PHF14: variants seen among roughly 807,000 people sequenced by gnomAD.
PHF14 encodes PHD finger protein 14.
Under a neutral mutation model 117.9 loss-of-function variants are expected in PHF14, and 55 were observed. The observed-to-expected ratio is 0.47, with a 90% confidence interval of 0.38 to 0.58. The LOEUF is 0.58. Ranked by LOEUF, PHF14 falls within the 20% of genes least tolerant of loss-of-function variation. The pLI, the probability that PHF14 is intolerant of heterozygous loss-of-function variation, is 0.00. For missense variants in PHF14, 978 were observed against 1,122.2 expected (o/e 0.87, Z 1.84); for synonymous variants, 409 against 368.6 (o/e 1.11, Z -1.26).
At chr7:11,044,289 G>C (rs1184323227) in intron 13 of PHF14, among the ~76,000 whole-genome samples, 2 of 151,764 alleles carry the variant, frequency 1.3e-5, no homozygotes, top group African/African-American at 2.4e-5. Flanking sequence ...TAACAAACCT[G>C]TGCATATACC....
chr7:11,160,505 T>A (rs1788992068), intron 17 of PHF14, among the ~76,000 whole-genome samples: 1 of 152,208 alleles, frequency 6.6e-6, no homozygotes, highest in South Asian at 2.1e-4. Flanking sequence ...AAAATTTACA[T>A]TCCCACCAAT....
intron 16 of PHF14, among the ~76,000 whole-genome samples, chr7:11,079,181 G>A (rs947192024): frequency 6.6e-6 from 1 of 152,136 alleles, no homozygotes; most frequent in Non-Finnish European, 1.5e-5. Flanking sequence ...CCTTTCAAAA[G>A]GAGCTTCTTC....
intron 5 of PHF14, among the ~76,000 whole-genome samples, chr7:11,014,464 C>A (rs1318812721): frequency 6.6e-6 from 1 of 152,070 alleles, no homozygotes; most frequent in Admixed American, 6.6e-5. Context: ...GGGGTTCAGG[C>A]TTTGTTGGAG....
chr7:11,078,349 G>A (rs1179112664), intron 16 of PHF14, among the ~76,000 whole-genome samples: 3 of 151,852 alleles, frequency 2.0e-5, no homozygotes, highest in Non-Finnish European at 2.9e-5. Flanking sequence ...TTGAAAATTC[G>A]GTCAATAACT....
chr7:11,125,584 G>C (rs1288458291), intron 17 of PHF14, among the ~76,000 whole-genome samples: 2 of 152,050 alleles, frequency 1.3e-5, no homozygotes, highest in Admixed American at 6.6e-5. Flanking sequence ...AAAAGGTTTA[G>C]AAATGGTTCC....
intron 2 of PHF14, 77 bp from the exon 3 acceptor site, chr7:10,982,295 A>G (rs1474027812): frequency 2.0e-6 from 2 of 1,001,368 alleles, no homozygotes; most frequent in Admixed American, 3.4e-5. Context: ...TGGTGGTTTC[A>G]TTTGTGTCAG....
intron 13 of PHF14, among the ~76,000 whole-genome samples, chr7:11,044,525 A>G (rs1337626149): frequency 6.6e-6 from 1 of 152,162 alleles, no homozygotes; most frequent in African/African-American, 2.4e-5. Context: ...CTCTAAGATC[A>G]ACTTAGCTTT....
intron 7 of PHF14, among the ~76,000 whole-genome samples, chr7:11,031,192 T>TA (rs370195255): frequency 1.4e-4 from 21 of 148,278 alleles, no homozygotes; most frequent in Non-Finnish European, 2.6e-4. Flanking sequence ...TATAGGCTGT[T>TA]AAAAAAAAAA....
At chr7:11,131,155 G>A (rs936322081) in intron 17 of PHF14, among the ~76,000 whole-genome samples, 6 of 151,912 alleles carry the variant, frequency 3.9e-5, no homozygotes, top group Non-Finnish European at 7.4e-5. Context: ...TCAGGTACAA[G>A]TTTTTAAGTG....
chr7:10,984,892 C>T (rs535072082), intron 3 of PHF14, among the ~76,000 whole-genome samples: 1 of 152,074 alleles, frequency 6.6e-6, no homozygotes, highest in African/African-American at 2.4e-5. Context: ...TTAATAGTCC[C>T]AAACACAAAC....
At position 11,132,883 on chromosome 7, in the gene PHF14, A is replaced by G. The variant is rs113080694; in HGVS notation, c.2772+21416A>G. Among the ~76,000 whole-genome samples the G allele has an allele frequency of 1.1e-4, 17 of 151,782 alleles. 1 individual carries two copies. The highest frequency in any genetic ancestry group is 3.4e-4 in the African/African-American group (14 of 41,508). On this transcript the variant is annotated intron_variant, in intron 17 of 17. Transcript: ENST00000634607. ...ATGTTGAGCACCTTTTCATATACCT[A>G]TTGATGATGTTTACCTGTTCTTTGG...
At chr7:10,981,668 A>G (rs1247960305) in intron 2 of PHF14, among the ~76,000 whole-genome samples, 1 of 152,192 alleles carries the variant, frequency 6.6e-6, no homozygotes. Context: ...ACTGCGTAGA[A>G]GTTTTGAAAG....
chr7:10,981,662 C>T (rs186912466), intron 2 of PHF14, among the ~76,000 whole-genome samples: 23 of 152,254 alleles, frequency 1.5e-4, no homozygotes, highest in Admixed American at 1.2e-3. Context: ...GTAGTTACTG[C>T]GTAGAAGTTT....
rs111523895 is a variant in PHF14, at chr7:11,002,735, C to T, written c.1046-11012C>T. 1.3e-3 allele frequency among the ~76,000 whole-genome samples: 196 copies of T among 151,914 alleles called. 1 individual carries two copies. The highest frequency in any genetic ancestry group is 4.6e-3 in the African/African-American group (190 of 41,428). ...CTGGGATTACAGACGTGAGCCACCG[C>T]GCCCGGCCAAAAATTAAGACTTCTT... On this transcript the variant is annotated intron_variant, in intron 4 of 17. Transcript: ENST00000634607.
In PHF14 at chr7:11,042,664, T is replaced by C. The variant is rs1201678133; in HGVS notation, c.2181-19T>C. The C allele has an allele frequency of 6.5e-7, 1 of 1,535,304 alleles. No individual in the cohort carries two copies. Among genetic ancestry groups the C allele is most frequent in the African/African-American group, 1.4e-5 (1 of 71,810 alleles). On this transcript the variant is annotated intron_variant, in intron 12 of 17. Coordinates refer to ENST00000634607, the MANE Select transcript of PHF14 (RefSeq NM_001007157.2). Reference sequence around the variant, plus strand: ...TGATAATTATTATTGAAATCTTTACTTGCTGCCTTTATTAAAAGTTGTGGG... The same window carrying C: ...TGATAATTATTATTGAAATCTTTACCTGCTGCCTTTATTAAAAGTTGTGGG...
intron 16 of PHF14, among the ~76,000 whole-genome samples, chr7:11,064,569 C>CT (rs1221090086): frequency 1.3e-5 from 2 of 152,102 alleles, no homozygotes; most frequent in Admixed American, 1.3e-4. Flanking sequence ...ACACTAGAAT[C>CT]TGCTCTTCAG....
chr7:11,062,222 AC>A, intron 16 of PHF14, 137 bp downstream of exon 16: 1 of 636,592 alleles, frequency 1.6e-6, no homozygotes, highest in Non-Finnish European at 2.5e-6. Context: ...TACTTTAGAA[AC>A]AGATTTCATC....
chr7:11,088,778 G>A (rs2128338211), intron 16 of PHF14, among the ~76,000 whole-genome samples: 1 of 152,142 alleles, frequency 6.6e-6, no homozygotes, highest in East Asian at 1.9e-4. Context: ...TGAAAACACT[G>A]TATAGGAGGG....
intron 4 of PHF14, among the ~76,000 whole-genome samples, chr7:11,009,832 A>G (rs764986885): frequency 2.6e-5 from 4 of 152,230 alleles, no homozygotes; most frequent in Non-Finnish European, 5.9e-5. Flanking sequence ...GCACAACACC[A>G]TTCTTCCAGA....
Sources: gnomAD v4.1 joint callset for allele counts (sites outside exome capture counted in the v4.1 genomes callset) on GRCh38, gnomAD v4.1.1 for gene constraint, MANE v1.5 for transcripts, NCBI Gene and HGNC (gene_info 2026-07-23, HGNC 2026-07-21) for gene names.